AFAP1L2: variants seen among roughly 807,000 people sequenced by gnomAD.
The protein encoded by AFAP1L2 is actin filament associated protein 1 like 2.
AFAP1L2 carries 46 observed loss-of-function variants against 99.3 expected under a neutral mutation model. The observed-to-expected ratio is 0.46, with a 90% CI of 0.37 to 0.59. The LOEUF is 0.59. AFAP1L2 is among the 20% of genes least tolerant of loss of function. The pLI is 0.00. For missense variants in AFAP1L2, 959 were observed against 1,034.9 expected (o/e 0.93, Z 1.01); for synonymous variants, 397 against 419.1 (o/e 0.95, Z 0.64).
rs376104459 is a variant in AFAP1L2, at chr10:114,335,392, C to T, written c.146-2097G>A. Among the ~76,000 whole-genome samples the T allele has an allele frequency of 7.0e-4, 107 of 152,072 alleles. 1 individual carries two copies. In the South Asian group the frequency reaches 0.017, roughly 25 times the overall value. ...CTTTGGGAGGCCAAGGTGGGCGGAT[C>T]ACGAGGTCAGGAGATCGAGACCATC... On this transcript the variant is annotated intron_variant, in intron 2 of 18. Transcript: ENST00000304129.
At position 114,308,154 on chromosome 10, in the gene AFAP1L2, C is replaced by G. The variant is rs75730462; in HGVS notation, c.968-245G>C. ...CACAGACTTCTTATAGAATATGCAACCACTTGAGAATCTTTACACACTGTA... is the reference window on the plus strand; with the variant it reads ...CACAGACTTCTTATAGAATATGCAAGCACTTGAGAATCTTTACACACTGTA... On this transcript the variant is annotated intron_variant, in intron 9 of 18. Transcript: ENST00000304129. Among the ~76,000 whole-genome samples the G allele has an allele frequency of 8.0e-3, 1,225 of 152,272 alleles. 20 individuals are homozygous for G. Among genetic ancestry groups the G allele is most frequent in the African/African-American group, 0.028 (1,176 of 41,532 alleles).
chr10:114,285,087 C>T, the AFAP1L2 span: 1 of 726,256 alleles, frequency 1.4e-6, no homozygotes, highest in Non-Finnish European at 2.1e-6. Context: ...GAACCATCTG[C>T]TTTCCAATGC....
chr10:114,285,605 T>A, the AFAP1L2 span, among the ~76,000 whole-genome samples: 402 of 152,316 alleles, frequency 2.6e-3, 1 homozygote, highest in African/African-American at 7.0e-3. Context: ...CAGTGAAGCC[T>A]GTAGAAGCAA....
At chr10:114,299,096 A>G (rs974660982) in intron 16 of AFAP1L2, among the ~76,000 whole-genome samples, 164 bp downstream of exon 16, 10 of 152,328 alleles carry the variant, frequency 6.6e-5, no homozygotes, top group Middle Eastern at 3.4e-3. Context: ...TTCAGACAGG[A>G]TTGGAAGAAA....
At chr10:114,289,053 G>A in the AFAP1L2 span, 69 of 1,614,202 alleles carry the variant, frequency 4.3e-5, no homozygotes, top group Non-Finnish European at 5.8e-5. Flanking sequence ...TCCAGTTTGA[G>A]GTGAACCCTG....
chr10:114,404,027 A>G (rs1036904800), intron 1 of AFAP1L2, among the ~76,000 whole-genome samples: 1 of 152,088 alleles, frequency 6.6e-6, no homozygotes, highest in African/African-American at 2.4e-5. Flanking sequence ...CCCGGGAGAA[A>G]GGACTCAACA....
chr10:114,290,092 T>C (rs925637303), downstream of AFAP1L2: 1 of 1,003,110 alleles, frequency 1.0e-6, no homozygotes, highest in South Asian at 1.7e-5. Flanking sequence ...CCTAGCCAAG[T>C]GGTATGCAGC....
intron 2 of AFAP1L2, among the ~76,000 whole-genome samples, chr10:114,334,227 C>T (rs2047615519): frequency 1.3e-5 from 2 of 152,020 alleles, no homozygotes; most frequent in African/African-American, 2.4e-5. Flanking sequence ...CTTTCCCATG[C>T]CTGCCTGGGC....
Position 114,313,336 on chromosome 10 carries a change from G to A in AFAP1L2, c.792+535C>T, listed in dbSNP as rs190199305. Reference sequence around the variant, plus strand: ...GCCTCATAATCACACCCAGGGACGCGTGGGCAGAGTGGGCCACGTGCATTC... The same window carrying A: ...GCCTCATAATCACACCCAGGGACGCATGGGCAGAGTGGGCCACGTGCATTC... On this transcript the variant is annotated intron_variant, in intron 7 of 18. Transcript: ENST00000304129. Among the ~76,000 whole-genome samples, 8 of 152,292 alleles carry A rather than the reference G, an allele frequency of 5.3e-5. No individual in the cohort carries two copies. The South Asian group carries it at 1.2e-3, about 24-fold the overall frequency.
chr10:114,302,336 C>T lies in AFAP1L2; in HGVS notation c.1430+3G>A. On this transcript the variant is annotated splice_donor_region_variant and intron_variant, in intron 12 of 18. Coordinates refer to ENST00000304129, the MANE Select transcript of AFAP1L2 (RefSeq NM_001001936.3). ...GTACGGAGGAAGGGTCCAAATTACT[C>T]ACAAGAGAGAGTTTTTGGCCGCACT... is the stretch of plus-strand genomic sequence containing the variant. 6.2e-7 allele frequency: 1 copy of T among 1,614,122 alleles called. No homozygotes were observed. The highest frequency in any genetic ancestry group is 8.5e-7 in the Non-Finnish European group (1 of 1,180,010).
rs150031373 is a variant in AFAP1L2, at chr10:114,296,973, C to T, written c.2430+5G>A. 3.1e-6 allele frequency: 5 copies of T among 1,614,130 alleles called. No individual in the cohort carries two copies. Among genetic ancestry groups the T allele is most frequent in the African/African-American group, 1.3e-5 (1 of 75,044 alleles). ...CCCCAAGGGAGGCTGGGAGTGACTG[C>T]TTACCTTGGCTTTCTGGAGTACAGT... On this transcript the variant is annotated splice_donor_5th_base_variant and intron_variant, in intron 18 of 18. Transcript: ENST00000304129.
Position 114,333,276 on chromosome 10 carries a change from A to T in AFAP1L2, c.165T>A (p.Ile55=). 1.9e-6 allele frequency: 3 copies of T among 1,613,852 alleles called. No homozygotes were observed. In the South Asian group the frequency reaches 3.3e-5, roughly 18 times the overall value. ...TKSSSSDEEY[I]YMNKVTINKQ... ...TGTTGATGGTCACTTTGTTCATATA[A>T]ATGTACTCCTCATCAGAGCCTGCAG... is the stretch of plus-strand genomic sequence containing the variant. The change falls in exon 3 of 19, where the codon ATT becomes ATA. Residue 55 remains isoleucine, a synonymous_variant. Transcript: ENST00000304129.
At chr10:114,310,211 G>A (rs553967241) in intron 8 of AFAP1L2, 143 bp downstream of exon 8, 4 of 837,842 alleles carry the variant, frequency 4.8e-6, no homozygotes, top group African/African-American at 3.5e-5. Flanking sequence ...ACAGGCGTGA[G>A]CCCACCCTGC....
the AFAP1L2 span, among the ~76,000 whole-genome samples, chr10:114,286,952 G>A: frequency 2.0e-5 from 3 of 152,168 alleles, no homozygotes; most frequent in Non-Finnish European, 2.9e-5. Flanking sequence ...ATACACACAC[G>A]GATGCATGTG....
At chr10:114,289,990 C>G, downstream of AFAP1L2, 2 of 204,530 alleles carry the variant, frequency 9.8e-6, no homozygotes, top group Non-Finnish European at 8.8e-6. Context: ...AAGATTCTGC[C>G]TCAAAAAAAA....
chr10:114,371,747 C>T (rs935379170), intron 1 of AFAP1L2, among the ~76,000 whole-genome samples: 4 of 151,012 alleles, frequency 2.6e-5, no homozygotes, highest in Non-Finnish European at 4.4e-5. Flanking sequence ...CACCATGGCA[C>T]GTGTATACCT....
chr10:114,327,375 A>C (rs2046535993), intron 4 of AFAP1L2, among the ~76,000 whole-genome samples: 1 of 151,322 alleles, frequency 6.6e-6, no homozygotes, highest in African/African-American at 2.4e-5. Context: ...GCTGGTCTCA[A>C]ACTCCTGACC....
At chr10:114,358,765 A>C (rs1407609201) in intron 1 of AFAP1L2, among the ~76,000 whole-genome samples, 1 of 152,040 alleles carries the variant, frequency 6.6e-6, no homozygotes, top group Non-Finnish European at 1.5e-5. Flanking sequence ...AAATACAAAA[A>C]TTAGCCGGGC....
intron 2 of AFAP1L2, among the ~76,000 whole-genome samples, chr10:114,338,679 G>A (rs778791076): frequency 1.3e-5 from 2 of 152,160 alleles, no homozygotes; most frequent in South Asian, 2.1e-4. Flanking sequence ...AGTACACATC[G>A]TATGAATCCA....
Sources: gnomAD v4.1 joint callset for allele counts (sites outside exome capture counted in the v4.1 genomes callset) on GRCh38, gnomAD v4.1.1 for gene constraint, MANE v1.5 for transcripts, NCBI Gene and HGNC (gene_info 2026-07-23, HGNC 2026-07-21) for gene names.